The following SLC2A9 variants were observed in gnomAD, a reference collection of about 807,000 sequenced individuals.
SLC2A9 encodes the protein solute carrier family 2, facilitated glucose transporter member 9.
SLC2A9 carries 39 observed loss-of-function variants against 50.6 expected under a neutral mutation model. That is an observed-to-expected ratio of 0.77 (90% CI 0.60 to 1.01). The LOEUF is 1.01. Among genes scored for constraint, SLC2A9 ranks in the 50% least tolerant of loss-of-function variants. The pLI is 0.00. For synonymous variants in SLC2A9, 324 were observed against 276.9 expected (o/e 1.17, Z -1.69); for missense variants, 686 against 677.6 (o/e 1.01, Z -0.14).
rs149252680 is a variant in SLC2A9 at position 9,900,143 on chromosome 4, G to A, written c.1113+8092C>T. Among the ~76,000 whole-genome samples, 4 of 152,340 alleles carry A rather than the reference G, an allele frequency of 2.6e-5. No homozygotes were observed. The South Asian group carries it at 6.2e-4, about 24-fold the overall frequency. The stretch of plus-strand genomic sequence containing the variant: ...AGGAGTCAGGGCTTCCATAGCAGGA[G>A]CATCGAGTTGGCAGAGGGCAGTGGG... On this transcript the variant is annotated intron_variant, in intron 8 of 11. Coordinates refer to ENST00000264784, the MANE Select transcript of SLC2A9 (RefSeq NM_020041.3).
At chr4:9,774,240 C>T (rs557030733) in intron 1 of SLC2A9, among the ~76,000 whole-genome samples, 1 of 152,164 alleles carries the variant, frequency 6.6e-6, no homozygotes, top group African/African-American at 2.4e-5. Flanking sequence ...GTGATCTACC[C>T]ACCTCGGCCC....
intron 5 of SLC2A9, among the ~76,000 whole-genome samples, chr4:9,967,918 T>G (rs564943417): frequency 6.6e-6 from 1 of 152,142 alleles, no homozygotes; most frequent in Non-Finnish European, 1.5e-5. Flanking sequence ...AGAAATTTTG[T>G]ATGTGATCAA....
downstream of SLC2A9, among the ~76,000 whole-genome samples, chr4:9,824,345 C>G (rs1323381856): frequency 6.6e-6 from 1 of 152,090 alleles, no homozygotes; most frequent in Non-Finnish European, 1.5e-5. Flanking sequence ...TATAAATTAC[C>G]CAGTTTCAGG....
chr4:9,920,656 C>T, intron 6 of SLC2A9, 84 bp from the exon 7 acceptor site: 1 of 1,523,732 alleles, frequency 6.6e-7, no homozygotes, highest in Non-Finnish European at 9.1e-7. Context: ...GGACGGGTCC[C>T]ACCTCCTAGC....
At chr4:9,938,317 G>C (rs961413836) in intron 6 of SLC2A9, among the ~76,000 whole-genome samples, 1 of 147,488 alleles carries the variant, frequency 6.8e-6, no homozygotes, top group Non-Finnish European at 1.5e-5. Flanking sequence ...TGTTGCCCAG[G>C]CTGGAGTGCA....
intron 5 of SLC2A9, among the ~76,000 whole-genome samples, chr4:9,979,184 C>T (rs1331451529): frequency 6.6e-6 from 1 of 152,164 alleles, no homozygotes; most frequent in Non-Finnish European, 1.5e-5. Context: ...CACCAATATG[C>T]CCTTGTTTGT....
At chr4:9,885,427 A>G (rs1736019592) in intron 10 of SLC2A9, among the ~76,000 whole-genome samples, 1 of 152,162 alleles carries the variant, frequency 6.6e-6, no homozygotes, top group African/African-American at 2.4e-5. Flanking sequence ...GATATCATTA[A>G]GCCCCAGCTG....
At chr4:9,771,411 G>A (rs1347693374) in intron 1 of SLC2A9, 2 of 398,350 alleles carry the variant, frequency 5.0e-6, no homozygotes, top group Non-Finnish European at 8.9e-6. Flanking sequence ...CAGTTCTTAG[G>A]TGCTCCTGAC....
intron 11 of SLC2A9, among the ~76,000 whole-genome samples, chr4:9,830,057 T>G (rs1331665340): frequency 2.0e-5 from 3 of 152,240 alleles, no homozygotes; most frequent in Admixed American, 1.3e-4. Flanking sequence ...TAAAGATACA[T>G]GCATGTGTAT....
downstream of SLC2A9, among the ~76,000 whole-genome samples, chr4:9,778,997 A>C (rs1717947505): frequency 6.6e-6 from 1 of 151,868 alleles, no homozygotes; most frequent in African/African-American, 2.4e-5. Context: ...CGATCTCCTG[A>C]CTTCATGATC....
chr4:9,824,199 G>A (rs60111228), downstream of SLC2A9, among the ~76,000 whole-genome samples: 554 of 152,034 alleles, frequency 3.6e-3, 6 homozygotes, highest in African/African-American at 0.013. Flanking sequence ...AAACTTAGCC[G>A]CCTCACCATG....
At chr4:10,019,258 C>T in intron 1 of SLC2A9, 185 bp from the exon 2 acceptor site, 1 of 600,642 alleles carries the variant, frequency 1.7e-6, no homozygotes, top group South Asian at 2.0e-5. Context: ...AGTCCAGGTC[C>T]GCGTGCGCAG....
chr4:9,926,628 A>G (rs1044846796), intron 6 of SLC2A9, among the ~76,000 whole-genome samples: 17 of 151,972 alleles, frequency 1.1e-4, no homozygotes, highest in African/African-American at 3.9e-4. Context: ...GGCAGAGGGT[A>G]CAAAATGCTA....
At chr4:9,778,991 C>A (rs1373742015), downstream of SLC2A9, among the ~76,000 whole-genome samples, 1 of 152,072 alleles carries the variant, frequency 6.6e-6, no homozygotes, top group Non-Finnish European at 1.5e-5. Flanking sequence ...TGGTCTCGAT[C>A]TCCTGACTTC....
chr4:9,839,514 A>T (rs2109197296), intron 10 of SLC2A9, among the ~76,000 whole-genome samples: 1 of 152,214 alleles, frequency 6.6e-6, no homozygotes, highest in South Asian at 2.1e-4. Context: ...AAATACAAAG[A>T]TACATGCATG....
intron 8 of SLC2A9, among the ~76,000 whole-genome samples, chr4:9,901,473 C>T (rs1470355736): frequency 6.6e-6 from 1 of 152,112 alleles, no homozygotes; most frequent in Admixed American, 6.5e-5. Flanking sequence ...CTGTTTCTAC[C>T]CTTGTCACCC....
chr4:9,788,945 C>T (rs1181436511), intron 3 of SLC2A9, among the ~76,000 whole-genome samples: 3 of 152,086 alleles, frequency 2.0e-5, no homozygotes, highest in Non-Finnish European at 4.4e-5. Flanking sequence ...GATGTGGGCA[C>T]TAGGGTGTTT....
At chr4:9,795,716 C>A (rs1720514439), downstream of SLC2A9, among the ~76,000 whole-genome samples, 1 of 152,212 alleles carries the variant, frequency 6.6e-6, no homozygotes, top group Admixed American at 6.5e-5. Flanking sequence ...GGAAAGGATG[C>A]ACTACTGCAT....
chr4:9,873,178 C>T (rs1733733726), intron 10 of SLC2A9, among the ~76,000 whole-genome samples: 1 of 152,148 alleles, frequency 6.6e-6, no homozygotes, highest in South Asian at 2.1e-4. Flanking sequence ...GGTAAGATCC[C>T]TAAGGGCAGA....
Sources: gnomAD v4.1 joint callset for allele counts (sites outside exome capture counted in the v4.1 genomes callset) on GRCh38, gnomAD v4.1.1 for gene constraint, MANE v1.5 for transcripts, NCBI Gene and HGNC (gene_info 2026-07-23, HGNC 2026-07-21) for gene names.